ANKRD36: variants seen among roughly 807,000 people sequenced by gnomAD.
ANKRD36 encodes ankyrin repeat domain-containing protein 36A.
ANKRD36 carries 179 observed loss-of-function variants against 278.1 expected under a neutral mutation model. The ratio of observed to expected loss-of-function variants is 0.64; its 90% CI spans 0.57 to 0.73. The LOEUF is 0.73. Ranked by LOEUF, ANKRD36 falls within the 30% of genes least tolerant of loss-of-function variation. The pLI, the probability that ANKRD36 is intolerant of heterozygous loss-of-function variation, is 0.00. For missense variants in ANKRD36, 1,159 were observed against 1,956.7 expected (o/e 0.59, Z 7.69); for synonymous variants, 320 against 641.1 (o/e 0.50, Z 7.57).
At position 97,113,823 on chromosome 2, in the gene ANKRD36, T is replaced by G; in HGVS notation, c.84T>G (p.Ile28Met). 1 of 1,613,026 alleles carries G rather than the reference T, an allele frequency of 6.2e-7. No individual in the cohort carries two copies. Among genetic ancestry groups the G allele is most frequent in the Non-Finnish European group, 8.5e-7 (1 of 1,179,980 alleles). ...GCTTCGCATTTCCCCAATACCCCAT[T>G]AAACCGTATCATCTGAAGAGGATCC... ...SDGFAFPQYPIKPYHLKRIHR... is the reference protein window; with the variant it reads ...SDGFAFPQYPMKPYHLKRIHR... Residue 28 changes from isoleucine to methionine, a missense_variant, in exon 1 of 76, where the codon ATT becomes ATG. Physicochemically the swap from Ile to Met is conservative, Grantham distance 10. Transcript: ENST00000420699.
At chr2:97,211,631 C>T in intron 57 of ANKRD36, 38 bp from the exon 58 acceptor site, 2 of 1,593,048 alleles carry the variant, frequency 1.3e-6, no homozygotes, top group Non-Finnish European at 1.7e-6. Context: ...ATGAAATATA[C>T]TTTATTTATT....
In ANKRD36 at chr2:97,260,347, G is replaced by GATATATATAT. The variant is rs71218080; in HGVS notation, c.*7-3958_*7-3949dup. ...GTCAATGAGCAGTAATATTTTAAAA[G>GATATATATAT]ATATATATATATATATATATATATA... is the stretch of plus-strand genomic sequence containing the variant. On this transcript the variant is annotated intron_variant, in intron 75 of 75. Transcript: ENST00000420699. Among the ~76,000 whole-genome samples the GATATATATAT allele has an allele frequency of 9.2e-3, 1,081 of 117,370 alleles. 5 individuals are homozygous for GATATATATAT. Among genetic ancestry groups the GATATATATAT allele is most frequent in the Admixed American group, 0.011 (115 of 10,052 alleles). The allele number at this position is 117,370 out of a possible 152,430, so 77.0% of individuals were successfully genotyped here.
chr2:97,130,587 T>TG (rs1248957911), intron 6 of ANKRD36, among the ~76,000 whole-genome samples: 2 of 148,914 alleles, frequency 1.3e-5, no homozygotes, highest in African/African-American at 2.5e-5. Flanking sequence ...CCTAAAAGTA[T>TG]GAAAAAAAAA....
At chr2:97,150,117 CTG>C (rs1451173101) in intron 12 of ANKRD36, among the ~76,000 whole-genome samples, 1 of 151,834 alleles carries the variant, frequency 6.6e-6, no homozygotes, top group Non-Finnish European at 1.5e-5. Context: ...AGGGTTTACA[CTG>C]TGTTTTCCAA....
At chr2:97,192,704 T>C (rs1031853839) in intron 36 of ANKRD36, among the ~76,000 whole-genome samples, 154 bp from the exon 37 acceptor site, 2 of 151,770 alleles carry the variant, frequency 1.3e-5, no homozygotes, top group Non-Finnish European at 2.9e-5. Context: ...AGTGTATTTC[T>C]GTCACGTTCT....
intron 22 of ANKRD36, among the ~76,000 whole-genome samples, chr2:97,176,162 C>A (rs1474973928): frequency 6.6e-6 from 1 of 151,850 alleles, no homozygotes; most frequent in East Asian, 1.9e-4. Context: ...GAGCTGAGTT[C>A]AATTCCTGGG....
intron 44 of ANKRD36, among the ~76,000 whole-genome samples, chr2:97,199,634 G>A (rs1476842131): frequency 6.6e-6 from 1 of 151,902 alleles, no homozygotes; most frequent in Middle Eastern, 3.2e-3. Context: ...GTTGATAATT[G>A]ATGATATTTT....
In ANKRD36 at chr2:97,113,828, C is replaced by A; in HGVS notation, c.89C>A (p.Pro30Gln). 6.2e-7 allele frequency: 1 copy of A among 1,613,102 alleles called. No individual in the cohort carries two copies. The highest frequency in any genetic ancestry group is 1.1e-5 in the South Asian group (1 of 90,934). ...GCATTTCCCCAATACCCCATTAAACCGTATCATCTGAAGAGGATCCACAGA... is the reference window on the plus strand; with the variant it reads ...GCATTTCCCCAATACCCCATTAAACAGTATCATCTGAAGAGGATCCACAGA... ...GFAFPQYPIK[P>Q]YHLKRIHRAV... The change falls in exon 1 of 76, where the codon CCG (proline) becomes CAG (glutamine). Residue 30 changes from proline (P) to glutamine (Q), a missense_variant. Transcript: ENST00000420699.
intron 1 of ANKRD36, among the ~76,000 whole-genome samples, chr2:97,114,851 A>G (rs1271206086): frequency 1.3e-5 from 2 of 151,566 alleles, no homozygotes; most frequent in Non-Finnish European, 2.9e-5. Context: ...AAATAAAGTT[A>G]TCAAAGTGTT....
intron 54 of ANKRD36, among the ~76,000 whole-genome samples, chr2:97,208,605 C>G (rs2063509954): frequency 6.8e-6 from 1 of 146,310 alleles, no homozygotes; most frequent in African/African-American, 2.7e-5. Context: ...CCAGGAACTA[C>G]TGGAAGCAGG....
In ANKRD36 at chr2:97,202,242, C is replaced by T; in HGVS notation, c.2886+12C>T. On this transcript the variant is annotated intron_variant, in intron 47 of 75. Coordinates refer to ENST00000420699, the MANE Select transcript of ANKRD36 (RefSeq NM_001354587.1). Reference sequence around the variant, plus strand: ...CACCAGCCTTGAAGGTAATGAAACTCCCATTTATCTTGTGAACGAGTTAAT... The same window carrying T: ...CACCAGCCTTGAAGGTAATGAAACTTCCATTTATCTTGTGAACGAGTTAAT... 6.3e-7 allele frequency: 1 copy of T among 1,595,268 alleles called. No homozygotes were observed. Among genetic ancestry groups the T allele is most frequent in the Non-Finnish European group, 8.5e-7 (1 of 1,176,940 alleles).
intron 62 of ANKRD36, 28 bp from the exon 63 acceptor site, chr2:97,217,149 T>G: frequency 2.6e-6 from 4 of 1,537,566 alleles, no homozygotes; most frequent in South Asian, 1.2e-5. Context: ...TTACATATGA[T>G]GAATTATATA....
At chr2:97,173,587 AAAT>A (rs2053325894) in intron 22 of ANKRD36, among the ~76,000 whole-genome samples, 2 of 151,862 alleles carry the variant, frequency 1.3e-5, no homozygotes, top group African/African-American at 4.8e-5. Context: ...GTGGTGGTGA[AAAT>A]AATGAAGAAA....
Position 97,131,319 on chromosome 2 carries a change from CG to C in ANKRD36, c.799+4187del, listed in dbSNP as rs1186868616. Reference sequence around the variant, plus strand: ...GTCCTCCTACCTCAGCCTCCTAAGTCGGTGAGACTGCTACAAGCATATGCCA... The same window carrying C: ...GTCCTCCTACCTCAGCCTCCTAAGTCGTGAGACTGCTACAAGCATATGCCA... On this transcript the variant is annotated intron_variant, in intron 6 of 75. Transcript: ENST00000420699. Among the ~76,000 whole-genome samples the C allele has an allele frequency of 7.2e-5, 11 of 151,928 alleles. No homozygotes were observed. In the East Asian group the frequency reaches 1.9e-3, roughly 27 times the overall value.
At chr2:97,132,988 C>A (rs2153432199) in intron 6 of ANKRD36, among the ~76,000 whole-genome samples, 1 of 152,140 alleles carries the variant, frequency 6.6e-6, no homozygotes, top group East Asian at 1.9e-4. Flanking sequence ...TTCCACACTT[C>A]CAGAAGAAAA....
intron 6 of ANKRD36, among the ~76,000 whole-genome samples, chr2:97,139,230 T>C (rs758101262): frequency 2.0e-5 from 3 of 152,038 alleles, no homozygotes; most frequent in Admixed American, 6.6e-5. Context: ...TGAGCTGTTA[T>C]GGTCTTAGGG....
At chr2:97,216,234 T>C (rs2065896466) in intron 62 of ANKRD36, among the ~76,000 whole-genome samples, 2 of 151,968 alleles carry the variant, frequency 1.3e-5, no homozygotes, top group Non-Finnish European at 2.9e-5. Context: ...TGAATATGAA[T>C]ACATTGGCTT....
At chr2:97,161,810 G>A (rs986463303) in intron 17 of ANKRD36, among the ~76,000 whole-genome samples, 2 of 152,220 alleles carry the variant, frequency 1.3e-5, no homozygotes, top group African/African-American at 2.4e-5. Flanking sequence ...CCCTAAATTT[G>A]CAGTGTCTCA....
Position 97,205,941 on chromosome 2 carries a change from G to A in ANKRD36, c.3063G>A (p.Val1021=). The change falls in exon 51 of 76, where the codon GTG becomes GTA. Residue 1021 remains valine, a splice_region_variant and synonymous_variant. Coordinates refer to ENST00000420699, the MANE Select transcript of ANKRD36 (RefSeq NM_001354587.1). Reference sequence around the variant, plus strand: ...TTATGAATCACTTTTGCTTTTCAGTGTCTTCTCAGAAACCACCAACCTTGA... The same window carrying A: ...TTATGAATCACTTTTGCTTTTCAGTATCTTCTCAGAAACCACCAACCTTGA... ...GKKDGEKTRT[V]SSQKPPTLKA... is the part of the protein sequence containing the mutation. 6.4e-7 allele frequency: 1 copy of A among 1,554,032 alleles called. No homozygotes were observed. Among genetic ancestry groups the A allele is most frequent in the South Asian group, 1.2e-5 (1 of 85,414 alleles).
Sources: gnomAD v4.1 joint callset for allele counts (sites outside exome capture counted in the v4.1 genomes callset) on GRCh38, gnomAD v4.1.1 for gene constraint, MANE v1.5 for transcripts, NCBI Gene and HGNC (gene_info 2026-07-23, HGNC 2026-07-21) for gene names.